LANCL1: variants seen among roughly 807,000 people sequenced by gnomAD.
LANCL1 encodes LanC like glutathione S-transferase 1.
In LANCL1, 50 loss-of-function variants were observed where a neutral mutation model predicts 50.6. That is an observed-to-expected ratio of 0.99 (90% CI 0.79 to 1.25). The LOEUF is 1.25. Ranked by LOEUF, LANCL1 falls within the 50% of genes most tolerant of loss-of-function variation. The pLI, the probability that LANCL1 is intolerant of heterozygous loss-of-function variation, is 0.00. For synonymous variants in LANCL1, 188 were observed against 178.6 expected (o/e 1.05, Z -0.42); for missense variants, 532 against 480.7 (o/e 1.11, Z -1.00).
Position 210,440,550 on chromosome 2 carries a change from C to T in LANCL1, c.690+48G>A, listed in dbSNP as rs749009655. On this transcript the variant is annotated intron_variant, in intron 6 of 9. Transcript: ENST00000450366. ...ATCTGTTTTCTCACCCATGATAGTA[C>T]ATGGGTCAGGAAGGACATTTTAAAA... The T allele has an allele frequency of 3.2e-6, 5 of 1,558,774 alleles. No homozygotes were observed. The South Asian group carries it at 6.0e-5, about 19-fold the overall frequency.
intron 3 of LANCL1, among the ~76,000 whole-genome samples, chr2:210,465,226 T>A (rs1350336062): frequency 6.6e-6 from 1 of 152,214 alleles, no homozygotes; most frequent in Non-Finnish European, 1.5e-5. Flanking sequence ...AAATTACATA[T>A]CACAGGAAAG....
At chr2:210,477,366 A>T, upstream of LANCL1, 3 of 298,972 alleles carry the variant, frequency 1.0e-5, no homozygotes, top group Non-Finnish European at 1.6e-5. Context: ...CCAACACAGC[A>T]GGAGATCCAC....
intron 3 of LANCL1, among the ~76,000 whole-genome samples, chr2:210,457,048 A>C (rs745857036): frequency 1.1e-4 from 16 of 152,128 alleles, no homozygotes; most frequent in Non-Finnish European, 1.5e-4. Context: ...GGGATTCCAC[A>C]ATCTCATGTT....
intron 4 of LANCL1, among the ~76,000 whole-genome samples, chr2:210,445,649 A>AT (rs1693300165): frequency 6.6e-6 from 1 of 152,190 alleles, no homozygotes. Context: ...CTGATAAATC[A>AT]TAATGGTTAT....
intron 3 of LANCL1, among the ~76,000 whole-genome samples, chr2:210,469,456 G>T (rs1445112425): frequency 1.3e-5 from 2 of 152,156 alleles, no homozygotes; most frequent in African/African-American, 4.8e-5. Context: ...AACAGTGTTC[G>T]ATTAGGAGAC....
intron 3 of LANCL1, among the ~76,000 whole-genome samples, chr2:210,467,018 C>T (rs943919650): frequency 6.6e-6 from 1 of 152,022 alleles, no homozygotes; most frequent in Non-Finnish European, 1.5e-5. Flanking sequence ...CTAATAGACG[C>T]CACACCAGAG....
upstream of LANCL1, chr2:210,477,455 A>G: frequency 8.8e-7 from 1 of 1,136,128 alleles, no homozygotes; most frequent in Non-Finnish European, 1.1e-6. Flanking sequence ...CCCACCTGGT[A>G]CATATTAGGC....
At position 210,434,247 on chromosome 2, in the gene LANCL1, C is replaced by A. The variant is rs1692842524; in HGVS notation, c.*240G>T. 2.2e-6 allele frequency: 1 copy of A among 450,554 alleles called. No individual in the cohort carries two copies. The highest frequency in any genetic ancestry group is 4.0e-5 in the Admixed American group (1 of 25,240). The allele number at this position is 450,554 out of a possible 1,614,324, so 27.9% of individuals were successfully genotyped here. A position where few individuals can be genotyped will look rare whatever the true frequency, so the allele number is the denominator to read the frequency against. ...TACAATCTCAAAACACTGTACATAT[C>A]ACTCACTCTCCCTTTAGGAAGAAAT... On this transcript the variant is annotated 3_prime_UTR_variant, in exon 10 of 10. Coordinates refer to ENST00000450366, the MANE Select transcript of LANCL1 (RefSeq NM_006055.3).
intron 3 of LANCL1, chr2:210,469,346 T>G (rs1694157506): frequency 1.3e-5 from 2 of 152,156 alleles, no homozygotes; most frequent in Non-Finnish European, 2.9e-5. Context: ...ACTCAGAGCT[T>G]TACGTTATTT....
chr2:210,437,612 T>C lies in LANCL1; in HGVS notation c.873+78A>G, dbSNP rs564049291. On this transcript the variant is annotated intron_variant, in intron 7 of 9. Transcript: ENST00000450366. ...AAGAGATTTATTTATTGTTCCTTTA[T>C]GGATTAGGATAAAACTAATTTTAAA... 2.2e-5 allele frequency: 18 copies of C among 805,912 alleles called. No homozygotes were observed. In the South Asian group the frequency reaches 4.6e-4, roughly 21 times the overall value. The allele number at this position is 805,912 out of a possible 1,614,324, so 49.9% of individuals were successfully genotyped here. A position where few individuals can be genotyped will look rare whatever the true frequency, so the allele number is the denominator to read the frequency against.
chr2:210,455,408 AC>A, intron 3 of LANCL1, 94 bp from the exon 4 acceptor site: 1 of 977,594 alleles, frequency 1.0e-6, no homozygotes, highest in Non-Finnish European at 1.5e-6. Context: ...ATTTTTGATA[AC>A]CTGTAGCAAA....
At chr2:210,436,090 C>A in intron 8 of LANCL1, 126 bp downstream of exon 8, 1 of 714,324 alleles carries the variant, frequency 1.4e-6, no homozygotes, top group Non-Finnish European at 2.2e-6. Context: ...TTTAGTAGAC[C>A]ATGTTAGCCA....
intron 3 of LANCL1, among the ~76,000 whole-genome samples, chr2:210,470,764 C>T (rs1694201226): frequency 6.6e-6 from 1 of 152,186 alleles, no homozygotes. Flanking sequence ...TCACCATCTG[C>T]ATCAGGACCA....
At chr2:210,459,357 A>C (rs1046666373) in intron 3 of LANCL1, among the ~76,000 whole-genome samples, 1 of 152,104 alleles carries the variant, frequency 6.6e-6, no homozygotes, top group Non-Finnish European at 1.5e-5. Context: ...GAAAACATAG[A>C]AGAAAATCTA....
intron 2 of LANCL1, among the ~76,000 whole-genome samples, chr2:210,475,979 G>A (rs1199519242): frequency 2.0e-5 from 3 of 152,064 alleles, no homozygotes; most frequent in African/African-American, 2.4e-5. Context: ...CGGCACATGT[G>A]AATACCGTTA....
chr2:210,435,027 A>G (rs1474412228), intron 9 of LANCL1, among the ~76,000 whole-genome samples: 1 of 152,194 alleles, frequency 6.6e-6, no homozygotes, highest in Non-Finnish European at 1.5e-5. Flanking sequence ...ATGGAGCCAG[A>G]CAAGTTCAAG....
At chr2:210,455,481 A>G (rs1302848226) in intron 3 of LANCL1, among the ~76,000 whole-genome samples, 167 bp from the exon 4 acceptor site, 1 of 152,106 alleles carries the variant, frequency 6.6e-6, no homozygotes, top group Non-Finnish European at 1.5e-5. Flanking sequence ...TTAGTAAGCA[A>G]CTCTACGAAC....
intron 7 of LANCL1, 136 bp downstream of exon 7, chr2:210,437,554 T>C (rs964748102): frequency 3.9e-6 from 2 of 515,842 alleles, no homozygotes; most frequent in African/African-American, 1.9e-5. Context: ...GAATGAATTA[T>C]AATTCATTTA....
intron 4 of LANCL1, among the ~76,000 whole-genome samples, chr2:210,448,626 AAG>A (rs1485356079): frequency 6.6e-6 from 1 of 152,334 alleles, no homozygotes; most frequent in East Asian, 1.9e-4. Context: ...TAAAGAAGAA[AAG>A]AGAGAAGAAT....
Sources: allele counts gnomAD v4.1 joint callset (sites outside exome capture counted in the v4.1 genomes callset), GRCh38; gene constraint gnomAD v4.1.1; transcripts MANE v1.5; gene names NCBI Gene and HGNC (gene_info 2026-07-23, HGNC 2026-07-21).